ZHX3: variants seen among roughly 807,000 people sequenced by gnomAD.
The protein encoded by ZHX3 is zinc fingers and homeoboxes protein 3.
Under a neutral mutation model 64.5 loss-of-function variants are expected in ZHX3, and 20 were observed. That is an observed-to-expected ratio of 0.31 (90% CI 0.22 to 0.45). ZHX3 has a LOEUF of 0.45. Among genes scored for constraint, ZHX3 ranks in the 20% least tolerant of loss-of-function variants. ZHX3 has a pLI of 1.00. For missense variants in ZHX3, 1,041 were observed against 1,195.8 expected, an observed-to-expected ratio of 0.87 and a Z score of 1.91; for synonymous variants, 423 against 461.6, an observed-to-expected ratio of 0.92 and a Z score of 1.07.
chr20:41,308,740 G>A (rs1038600491), intron 1 of ZHX3, among the ~76,000 whole-genome samples: 1 of 152,166 alleles, frequency 6.6e-6, no homozygotes, highest in African/African-American at 2.4e-5. Context: ...TAGGGAGAAT[G>A]GGGCAGTAAG....
intron 3 of ZHX3, chr20:41,197,018 G>A (rs899761901): frequency 7.6e-5 from 15 of 197,758 alleles, no homozygotes; most frequent in Non-Finnish European, 1.3e-4. Context: ...AAAGTACCAG[G>A]TCAGGCTGTG....
At chr20:41,253,117 A>G (rs537176232) in intron 2 of ZHX3, among the ~76,000 whole-genome samples, 1 of 152,290 alleles carries the variant, frequency 6.6e-6, no homozygotes, top group East Asian at 1.9e-4. Context: ...GCCATCTCTC[A>G]TGGTCAAAGT....
At chr20:41,193,588 A>G (rs901745772) in intron 3 of ZHX3, among the ~76,000 whole-genome samples, 1 of 152,108 alleles carries the variant, frequency 6.6e-6, no homozygotes, top group Non-Finnish European at 1.5e-5. Context: ...CACTGTGCCC[A>G]GCTAAATACA....
At chr20:41,215,673 G>A (rs569721592) in intron 2 of ZHX3, among the ~76,000 whole-genome samples, 1 of 150,198 alleles carries the variant, frequency 6.7e-6, no homozygotes, top group Non-Finnish European at 1.5e-5. Flanking sequence ...GGTGGCTCAC[G>A]CCTGTAATCC....
chr20:41,266,844 CTTTTTTTTTTTTT>C (rs11327834), intron 2 of ZHX3, among the ~76,000 whole-genome samples: 2 of 76,464 alleles, frequency 2.6e-5, no homozygotes, highest in Admixed American at 3.6e-4. Flanking sequence ...CGTGCCCGGC[CTTTTTTTTTTTTT>C]TTTTTTTTTT....
intron 3 of ZHX3, among the ~76,000 whole-genome samples, chr20:41,189,568 G>A (rs565051281): frequency 7.9e-5 from 12 of 152,006 alleles, no homozygotes; most frequent in South Asian, 2.1e-4. Flanking sequence ...AAATTTATTC[G>A]TAAGTATCTT....
chr20:41,266,011 C>G (rs1165127106), intron 2 of ZHX3, among the ~76,000 whole-genome samples: 2 of 152,110 alleles, frequency 1.3e-5, no homozygotes, highest in Non-Finnish European at 2.9e-5. Context: ...ATTCTCTTTC[C>G]AAGTGTTACT....
chr20:41,277,579 C>T (rs2043445345), intron 1 of ZHX3, among the ~76,000 whole-genome samples: 1 of 149,618 alleles, frequency 6.7e-6, no homozygotes, highest in Middle Eastern at 3.4e-3. Context: ...TTGCCCTACC[C>T]TCCATGTTAA....
chr20:41,233,858 A>T (rs1040461492), intron 2 of ZHX3, among the ~76,000 whole-genome samples: 1 of 152,202 alleles, frequency 6.6e-6, no homozygotes, highest in Non-Finnish European at 1.5e-5. Context: ...AAGTCCCAAG[A>T]CATGTCACCT....
intron 1 of ZHX3, among the ~76,000 whole-genome samples, chr20:41,310,320 T>C (rs2045093924): frequency 6.6e-6 from 1 of 152,218 alleles, no homozygotes. Context: ...CTTCTTGACC[T>C]CAATGGTATG....
intron 2 of ZHX3, among the ~76,000 whole-genome samples, chr20:41,216,673 T>A (rs2039557709): frequency 6.6e-6 from 1 of 152,206 alleles, no homozygotes; most frequent in Non-Finnish European, 1.5e-5. Context: ...TTACAATGAC[T>A]CGGTGACCAT....
intron 3 of ZHX3, chr20:41,196,789 A>G (rs1200907800): frequency 6.3e-6 from 1 of 158,332 alleles, no homozygotes; most frequent in Non-Finnish European, 1.4e-5. Flanking sequence ...GCCACCAAGA[A>G]AAAAAAAAAA....
chr20:41,212,620 A>C lies in ZHX3; in HGVS notation c.-150-7554T>G, dbSNP rs1021290547. ...CAAGATCAGCCTGACCAACATGGAG[A>C]AACCCCATCTCTACTAAAAATGCTA... On this transcript the variant is annotated intron_variant, in intron 2 of 3. Transcript: ENST00000683867. This position sits in a 1 kb window ranked among gnomAD's most constrained non-coding sequence, Gnocchi z 4.3. Among the ~76,000 whole-genome samples, 7 of 152,088 alleles carry C rather than the reference A, an allele frequency of 4.6e-5. No individual in the cohort carries two copies. Among genetic ancestry groups the C allele is most frequent in the African/African-American group, 1.7e-4 (7 of 41,396 alleles).
At chr20:41,199,495 A>G (rs534597297) in intron 3 of ZHX3, among the ~76,000 whole-genome samples, 1 of 151,946 alleles carries the variant, frequency 6.6e-6, no homozygotes, top group East Asian at 1.9e-4. Flanking sequence ...TTCTGTTGTG[A>G]TATCTCTGTG....
At chr20:41,305,330 A>G (rs1330285721) in intron 1 of ZHX3, among the ~76,000 whole-genome samples, 2 of 152,040 alleles carry the variant, frequency 1.3e-5, no homozygotes, top group Non-Finnish European at 2.9e-5. Flanking sequence ...CTGCCTCTAC[A>G]AAAAATACAA....
rs753516056 is a variant in ZHX3 at position 41,219,565 on chromosome 20, A to G, written c.-150-14499T>C. Among the ~76,000 whole-genome samples, 15 of 152,354 alleles carry G rather than the reference A, an allele frequency of 9.8e-5. No individual in the cohort carries two copies. The highest frequency in any genetic ancestry group is 2.2e-4 in the African/African-American group (9 of 41,578). ...GCACCAAAAACAACAAAACCTTCCT[A>G]TAAGTTTTATTTGCTAAATTTGTTT... On this transcript the variant is annotated intron_variant, in intron 2 of 3. Transcript: ENST00000683867. The surrounding 1 kb of genome is among the most constrained non-coding windows in gnomAD (Gnocchi z 5.0).
intron 1 of ZHX3, among the ~76,000 whole-genome samples, chr20:41,286,362 G>A (rs935084712): frequency 5.3e-5 from 8 of 152,196 alleles, no homozygotes; most frequent in Non-Finnish European, 8.8e-5. Context: ...TCTACTGATA[G>A]TTTAACTTGA....
intron 1 of ZHX3, among the ~76,000 whole-genome samples, chr20:41,312,577 A>C: frequency 6.6e-6 from 1 of 152,212 alleles, no homozygotes. Flanking sequence ...CAATAAATGC[A>C]CATGTGCTGA....
At position 41,200,310 on chromosome 20, in the gene ZHX3, T is replaced by C. The variant is rs577058920; in HGVS notation, c.2860+1747A>G. On this transcript the variant is annotated intron_variant, in intron 3 of 3. Transcript: ENST00000683867. This position sits in a 1 kb window ranked among gnomAD's most constrained non-coding sequence, Gnocchi z 4.2. Reference sequence around the variant, plus strand: ...TCATTCTCCATGTCAGCTTTCGTAATCAACTTGTTCAAACATCCTCATCTC... The same window carrying C: ...TCATTCTCCATGTCAGCTTTCGTAACCAACTTGTTCAAACATCCTCATCTC... Among the ~76,000 whole-genome samples the C allele has an allele frequency of 6.6e-6, 1 of 152,296 alleles. No homozygotes were observed. Among genetic ancestry groups the C allele is most frequent in the South Asian group, 2.1e-4 (1 of 4,822 alleles).
Sources: gnomAD v4.1 joint callset for allele counts (sites outside exome capture counted in the v4.1 genomes callset) on GRCh38, gnomAD v4.1.1 for gene constraint, Gnocchi (gnomAD v3.1) non-coding constraint, MANE v1.5 for transcripts, NCBI Gene and HGNC (gene_info 2026-07-23, HGNC 2026-07-21) for gene names.